The following KIF14 variants were observed in gnomAD, a reference collection of about 807,000 sequenced individuals.
KIF14 encodes kinesin-like protein KIF14.
In KIF14, 98 loss-of-function variants were observed where a neutral mutation model predicts 176.2. The ratio of observed to expected loss-of-function variants is 0.56; its 90% CI spans 0.47 to 0.66. KIF14 has a LOEUF of 0.66. Ranked by LOEUF, KIF14 falls within the 30% of genes least tolerant of loss-of-function variation. KIF14 has a pLI of 0.00. For missense variants in KIF14, 1,751 were observed against 1,920.4 expected (o/e 0.91, Z 1.65); for synonymous variants, 566 against 632.2 (o/e 0.90, Z 1.57).
At chr1:200,599,839 C>T (rs1259122802) in intron 13 of KIF14, among the ~76,000 whole-genome samples, 3 of 152,176 alleles carry the variant, frequency 2.0e-5, no homozygotes, top group Admixed American at 2.0e-4. Context: ...CATACTTTAA[C>T]TTTCCAACTA....
At chr1:200,580,885 C>T (rs949494575) in intron 20 of KIF14, among the ~76,000 whole-genome samples, 2 of 151,804 alleles carry the variant, frequency 1.3e-5, no homozygotes, top group African/African-American at 2.4e-5. Context: ...CCAAGTCAGG[C>T]GGATCACTAG....
chr1:200,618,181 T>C lies in KIF14; in HGVS notation c.543A>G (p.Leu181=), dbSNP rs1660503242. The C allele has an allele frequency of 3.7e-6, 6 of 1,613,748 alleles. No individual in the cohort carries two copies. Among genetic ancestry groups the C allele is most frequent in the African/African-American group, 1.3e-5 (1 of 75,060 alleles). Residue 181 remains leucine, a synonymous_variant, in exon 2 of 30, where the codon TTA becomes TTG. Transcript: ENST00000367350. The stretch of plus-strand genomic sequence containing the variant: ...TTTCAATGACCTGTGGATCTTCATC[T>C]AAAGGTACAGAAGAGGCAACAAAAG... ...KNSFVASSVP[L]DEDPQVIEMM... is the part of the protein sequence containing the mutation.
chr1:200,576,477 C>CAAAA (rs34294441), intron 21 of KIF14, among the ~76,000 whole-genome samples: 2 of 87,490 alleles, frequency 2.3e-5, no homozygotes, highest in Non-Finnish European at 5.1e-5. Context: ...GACTCCGTCT[C>CAAAA]AAAAAAAAAA....
intron 22 of KIF14, among the ~76,000 whole-genome samples, chr1:200,574,624 GA>G (rs533863256): frequency 1.5e-3 from 231 of 152,278 alleles, no homozygotes; most frequent in African/African-American, 5.4e-3. Context: ...AGTCATCAAA[GA>G]AATACTTGCT....
In KIF14 at chr1:200,600,464, C is replaced by G. The variant is rs754101356; in HGVS notation, c.2192G>C (p.Arg731Thr). The change falls in exon 12 of 30, where the codon AGA becomes ACA. Residue 731 changes from arginine to threonine, a missense_variant. Physicochemically the swap from Arg to Thr is moderately conservative, Grantham distance 71. Coordinates refer to ENST00000367350, the MANE Select transcript of KIF14 (RefSeq NM_014875.3). The part of the protein sequence containing the change: ...AEIAKLKAAQ[R>T]NSRNIDPERY... ...TTCAGGGTCAATATTCCGACTGTTT[C>G]TCTGAGCAGCTTTTAGCTTTGCAAT... The G allele has an allele frequency of 6.2e-7, 1 of 1,613,826 alleles. No homozygotes were observed. Among genetic ancestry groups the G allele is most frequent in the South Asian group, 1.1e-5 (1 of 91,070 alleles).
chr1:200,598,875 C>T (rs1281151664), intron 13 of KIF14, among the ~76,000 whole-genome samples: 2 of 152,046 alleles, frequency 1.3e-5, no homozygotes, highest in Non-Finnish European at 2.9e-5. Flanking sequence ...GTTTTTTAGA[C>T]TCTCTCCTCC....
At chr1:200,591,450 CA>C (rs1165099969) in intron 16 of KIF14, among the ~76,000 whole-genome samples, 1 of 152,228 alleles carries the variant, frequency 6.6e-6, no homozygotes, top group Non-Finnish European at 1.5e-5. Flanking sequence ...ATGAGTGTCT[CA>C]CGTCTGCTCA....
chr1:200,554,497 G>C lies in KIF14; in HGVS notation c.4538C>G (p.Ala1513Gly). 1 of 1,537,142 alleles carries C rather than the reference G, an allele frequency of 6.5e-7. No homozygotes were observed. Among genetic ancestry groups the C allele is most frequent in the Non-Finnish European group, 9.0e-7 (1 of 1,114,872 alleles). The change falls in exon 29 of 30, where the codon GCT becomes GGT. Residue 1513 changes from alanine (A) to glycine (G), a missense_variant. By Grantham distance (60) the Ala-to-Gly change is moderately conservative. Transcript: ENST00000367350. ...FLKLKHCLEKAIEIIISALKG... is the reference protein window; with the variant it reads ...FLKLKHCLEKGIEIIISALKG... The stretch of plus-strand genomic sequence containing the variant: ...CAGTGCAGAAATAATAATTTCAATA[G>C]CTTTCTCTAAGCAATGTTTTAACTT...
intron 13 of KIF14, among the ~76,000 whole-genome samples, 170 bp from the exon 14 acceptor site, chr1:200,598,591 C>T (rs1328181586): frequency 6.6e-6 from 1 of 152,120 alleles, no homozygotes; most frequent in African/African-American, 2.4e-5. Context: ...CAGAGTCTCG[C>T]TGTGTCACCC....
intron 10 of KIF14, among the ~76,000 whole-genome samples, 178 bp from the exon 11 acceptor site, chr1:200,602,246 CTCTCTTACACTTTTTA>C (rs1431350092): frequency 1.3e-5 from 2 of 152,142 alleles, no homozygotes; most frequent in South Asian, 2.1e-4. Context: ...AACACTTTTT[CTCTCTTACACTTTTTA>C]TATTGTTTCA....
chr1:200,620,018 C>T (rs952970212), intron 1 of KIF14, among the ~76,000 whole-genome samples: 1 of 152,140 alleles, frequency 6.6e-6, no homozygotes, highest in Non-Finnish European at 1.5e-5. Flanking sequence ...GACACTGGTT[C>T]AAACTATTGC....
At chr1:200,593,628 G>T in intron 15 of KIF14, 39 bp downstream of exon 15, 1 of 1,257,250 alleles carries the variant, frequency 8.0e-7, no homozygotes, top group Non-Finnish European at 1.2e-6. Context: ...CTTATCCAAA[G>T]TCGAACAGTT....
In KIF14 at chr1:200,566,375, G is replaced by A. The variant is rs553215755; in HGVS notation, c.3662-706C>T. The stretch of plus-strand genomic sequence containing the variant: ...TGGGAGGCCGAGGCAGGCAGATCAC[G>A]AGGTCAGGAGATCGGGACCATCCTG... On this transcript the variant is annotated intron_variant, in intron 23 of 29. Coordinates refer to ENST00000367350, the MANE Select transcript of KIF14 (RefSeq NM_014875.3). Among the ~76,000 whole-genome samples, 12 of 151,164 alleles carry A rather than the reference G, an allele frequency of 7.9e-5. No individual in the cohort carries two copies. In the South Asian group the frequency reaches 1.5e-3, roughly 19 times the overall value.
intron 11 of KIF14, 109 bp downstream of exon 11, chr1:200,601,787 G>A: frequency 1.3e-6 from 1 of 748,426 alleles, no homozygotes; most frequent in Non-Finnish European, 2.2e-6. Flanking sequence ...ATTAAAATAG[G>A]TATAGAAAAA....
At chr1:200,617,007 G>A (rs1026249055) in intron 2 of KIF14, among the ~76,000 whole-genome samples, 8 of 151,980 alleles carry the variant, frequency 5.3e-5, no homozygotes, top group Non-Finnish European at 7.4e-5. Flanking sequence ...TCGTTCTGTC[G>A]CCCAGGCTGG....
chr1:200,591,772 G>A (rs545893410), intron 16 of KIF14, among the ~76,000 whole-genome samples: 22 of 152,226 alleles, frequency 1.4e-4, no homozygotes, highest in African/African-American at 4.6e-4. Flanking sequence ...CACACAGTTC[G>A]GGACTCTTGT....
intron 22 of KIF14, among the ~76,000 whole-genome samples, chr1:200,572,437 T>C (rs760951711): frequency 1.2e-4 from 18 of 152,126 alleles, no homozygotes; most frequent in Non-Finnish European, 1.9e-4. Context: ...CTCTGCCTCC[T>C]GGGTTCATAC....
At position 200,606,760 on chromosome 1, in the gene KIF14, A is replaced by ATGG; in HGVS notation, c.1592_1593insCCA (p.Val531_Glu532insHis). 6.2e-7 allele frequency: 1 copy of ATGG among 1,613,654 alleles called. No individual in the cohort carries two copies. The highest frequency in any genetic ancestry group is 8.5e-7 in the Non-Finnish European group (1 of 1,179,800). On this transcript the variant is annotated inframe_insertion, in exon 6 of 30. Transcript: ENST00000367350. ...CAAATACTTACATTGACAGTGCTTCAACATATGGTCCATAAACAGGATGTT... is the reference window on the plus strand; with the variant it reads ...CAAATACTTACATTGACAGTGCTTCATGGACATATGGTCCATAAACAGGATGTT...
intron 21 of KIF14, among the ~76,000 whole-genome samples, chr1:200,578,952 A>G (rs1658290050): frequency 6.6e-6 from 1 of 152,022 alleles, no homozygotes; most frequent in African/African-American, 2.4e-5. Context: ...TTAACCGGGC[A>G]TGGTGGTGGG....
Sources: allele counts gnomAD v4.1 joint callset (sites outside exome capture counted in the v4.1 genomes callset), GRCh38; gene constraint gnomAD v4.1.1; transcripts MANE v1.5; gene names NCBI Gene and HGNC (gene_info 2026-07-23, HGNC 2026-07-21).